The following COL23A1 variants were observed in gnomAD, a reference collection of about 807,000 sequenced individuals.
COL23A1 encodes the protein collagen type XXIII alpha 1 chain.
COL23A1 carries 97 observed loss-of-function variants against 99.3 expected under a neutral mutation model. The observed-to-expected ratio is 0.98, with a 90% CI of 0.83 to 1.16. COL23A1 has a LOEUF of 1.16. COL23A1 is among the 50% of genes most tolerant of loss of function. The pLI, the probability that COL23A1 is intolerant of heterozygous loss-of-function variation, is 0.00. For missense variants in COL23A1, 762 were observed against 757.4 expected (o/e 1.01, Z -0.07); for synonymous variants, 320 against 308.2 (o/e 1.04, Z -0.40).
chr5:178,491,641 T>C (rs1168006571), intron 2 of COL23A1, among the ~76,000 whole-genome samples: 1 of 152,156 alleles, frequency 6.6e-6, no homozygotes, highest in African/African-American at 2.4e-5. Context: ...CCACAGAGCC[T>C]GGGGCAAGGG....
chr5:178,526,735 G>A (rs1384820829), intron 2 of COL23A1, among the ~76,000 whole-genome samples: 1 of 152,148 alleles, frequency 6.6e-6, no homozygotes, highest in Non-Finnish European at 1.5e-5. Context: ...CAAAGGACCT[G>A]AGCCCCGAAT....
chr5:178,403,133 A>AAAAAAAAC (rs1561940679), intron 2 of COL23A1, among the ~76,000 whole-genome samples: 2 of 146,356 alleles, frequency 1.4e-5, no homozygotes, highest in East Asian at 2.0e-4. Flanking sequence ...TAAATAAATA[A>AAAAAAAAC]AAAATAAATA....
Position 178,590,084 on chromosome 5 carries a change from C to T in COL23A1, c.114G>A (p.Ala38=). 7.6e-7 allele frequency: 1 copy of T among 1,307,288 alleles called. No individual in the cohort carries two copies. The highest frequency in any genetic ancestry group is 9.8e-7 in the Non-Finnish European group (1 of 1,024,440). 81.0% of individuals were successfully genotyped at this position (1,307,288 alleles called of 1,614,324 possible). A position where few individuals can be genotyped will look rare whatever the true frequency, so the allele number is the denominator to read the frequency against. The part of the protein sequence containing the change: ...ATTAGSRAVS[A]LCLLLSVGSA... Reference sequence around the variant, plus strand: ...AGCCCACGGAGAGCAGCAGGCACAGCGCGCTCACCGCCCGGGACCCGGCCG... The same window carrying T: ...AGCCCACGGAGAGCAGCAGGCACAGTGCGCTCACCGCCCGGGACCCGGCCG... The change falls in exon 1 of 29, where the codon GCG becomes GCA. Residue 38 remains alanine, a synonymous_variant. Transcript: ENST00000390654. This position sits in a 1 kb window ranked among gnomAD's most constrained non-coding sequence, Gnocchi z 5.7.
intron 2 of COL23A1, among the ~76,000 whole-genome samples, chr5:178,333,577 C>T (rs1313748625): frequency 6.6e-6 from 1 of 152,186 alleles, no homozygotes; most frequent in African/African-American, 2.4e-5. Context: ...TTGTGAAAGG[C>T]ATCCCCTGCC....
At chr5:178,447,544 T>C (rs1349779555) in intron 2 of COL23A1, among the ~76,000 whole-genome samples, 1 of 152,234 alleles carries the variant, frequency 6.6e-6, no homozygotes, top group African/African-American at 2.4e-5. Context: ...CCTGCAGTGT[T>C]CAGTACAGTA....
chr5:178,474,747 T>C (rs560949938), intron 2 of COL23A1, among the ~76,000 whole-genome samples: 1 of 152,306 alleles, frequency 6.6e-6, no homozygotes, highest in Non-Finnish European at 1.5e-5. Flanking sequence ...AATCAATTGC[T>C]CCCAAGAAGC....
At chr5:178,374,440 T>TG (rs1417262049) in intron 2 of COL23A1, among the ~76,000 whole-genome samples, 3 of 152,220 alleles carry the variant, frequency 2.0e-5, no homozygotes, top group Admixed American at 6.5e-5. Context: ...AGCTCGTGGC[T>TG]GTGCCCCCCA....
At chr5:178,420,679 C>A (rs1765586928) in intron 2 of COL23A1, among the ~76,000 whole-genome samples, 1 of 95,972 alleles carries the variant, frequency 1.0e-5, no homozygotes, top group Non-Finnish European at 2.1e-5. Flanking sequence ...TCCCCCTCCC[C>A]TCTCCCCCAC....
chr5:178,343,032 G>T (rs1422144973), intron 2 of COL23A1, among the ~76,000 whole-genome samples: 1 of 152,206 alleles, frequency 6.6e-6, no homozygotes. Context: ...AGTGAACACT[G>T]AAATTTTGAG....
At chr5:178,353,212 T>C (rs371743005) in intron 2 of COL23A1, among the ~76,000 whole-genome samples, 11 of 152,140 alleles carry the variant, frequency 7.2e-5, no homozygotes, top group Non-Finnish European at 1.2e-4. Context: ...TGAAACTCTA[T>C]GCAGCCTTTA....
At chr5:178,471,153 C>T (rs1005133863) in intron 2 of COL23A1, among the ~76,000 whole-genome samples, 1 of 152,188 alleles carries the variant, frequency 6.6e-6, no homozygotes, top group African/African-American at 2.4e-5. Flanking sequence ...GAGAGTTACT[C>T]AGGAAGCTGT....
chr5:178,393,526 G>A lies in COL23A1; in HGVS notation c.362-86607C>T, dbSNP rs1043525235. Among the ~76,000 whole-genome samples the A allele has an allele frequency of 5.9e-5, 9 of 152,090 alleles. No homozygotes were observed. In the East Asian group the frequency reaches 7.7e-4, roughly 13 times the overall value. On this transcript the variant is annotated intron_variant, in intron 2 of 28. Coordinates refer to ENST00000390654, the MANE Select transcript of COL23A1 (RefSeq NM_173465.4). The stretch of plus-strand genomic sequence containing the variant: ...AAATGGTTAAGATGGTACATTTTAT[G>A]TTATGTATGTTTTACTACAATAAAA...
At chr5:178,390,843 G>A (rs1763925804) in intron 2 of COL23A1, among the ~76,000 whole-genome samples, 1 of 152,184 alleles carries the variant, frequency 6.6e-6, no homozygotes, top group East Asian at 1.9e-4. Flanking sequence ...AGAAAACATA[G>A]GTGTAAATCT....
intron 2 of COL23A1, among the ~76,000 whole-genome samples, chr5:178,400,615 C>T (rs1355455550): frequency 3.3e-5 from 5 of 151,790 alleles, no homozygotes; most frequent in Non-Finnish European, 7.4e-5. Context: ...ACATTCACAA[C>T]GGTGTGCAAC....
chr5:178,271,598 G>A (rs1306582050), intron 5 of COL23A1, among the ~76,000 whole-genome samples: 2 of 152,214 alleles, frequency 1.3e-5, no homozygotes, highest in Admixed American at 6.5e-5. Flanking sequence ...CTCTGGTATT[G>A]GATGGGGCCT....
At chr5:178,300,413 G>GTT (rs1757969819) in intron 3 of COL23A1, among the ~76,000 whole-genome samples, 1 of 152,052 alleles carries the variant, frequency 6.6e-6, no homozygotes, top group Non-Finnish European at 1.5e-5. Flanking sequence ...TTTGTTGATA[G>GTT]TTTTTTTCCT....
chr5:178,354,073 T>C (rs4976720), intron 2 of COL23A1, among the ~76,000 whole-genome samples: 13,421 of 151,952 alleles, frequency 0.088, 721 homozygotes, highest in East Asian at 0.23. Flanking sequence ...GGCAAGGCAG[T>C]GTGGTTGCTG....
chr5:178,349,113 G>A (rs58805296), intron 2 of COL23A1, among the ~76,000 whole-genome samples: 5,486 of 152,302 alleles, frequency 0.036, 186 homozygotes, highest in East Asian at 0.098. Flanking sequence ...TCAGCACAGC[G>A]AGAACTCGGA....
chr5:178,374,546 G>T (rs1318656914), intron 2 of COL23A1, among the ~76,000 whole-genome samples: 1 of 152,188 alleles, frequency 6.6e-6, no homozygotes, highest in Non-Finnish European at 1.5e-5. Flanking sequence ...TGACTTCTCT[G>T]TGCCTCAGTT....
Sources: allele counts gnomAD v4.1 joint callset (sites outside exome capture counted in the v4.1 genomes callset), GRCh38; gene constraint gnomAD v4.1.1; non-coding constraint Gnocchi (gnomAD v3.1); transcripts MANE v1.5; gene names NCBI Gene and HGNC (gene_info 2026-07-23, HGNC 2026-07-21).